Variants in PCDHA13 observed in about 807,000 individuals in gnomAD.
PCDHA13 encodes the protein protocadherin alpha-13.
In PCDHA13, 54 loss-of-function variants were observed where a neutral mutation model predicts 64.8. The observed-to-expected ratio is 0.83, with a 90% CI of 0.67 to 1.04. PCDHA13 has a LOEUF of 1.04. PCDHA13 is among the 50% of genes least tolerant of loss of function. The pLI, the probability that PCDHA13 is intolerant of heterozygous loss-of-function variation, is 0.00. For missense variants in PCDHA13, 1,248 were observed against 1,254.3 expected (o/e 0.99, Z 0.08); for synonymous variants, 587 against 564.4 (o/e 1.04, Z -0.57).
intron 1 of PCDHA13, chr5:140,968,552 C>T (rs370640529): frequency 1.2e-6 from 2 of 1,614,184 alleles, no homozygotes; most frequent in Non-Finnish European, 1.7e-6. Flanking sequence ...GATGGTGCCT[C>T]GAACTGCCCC....
chr5:140,897,174 G>C (rs1356780883), intron 1 of PCDHA13, among the ~76,000 whole-genome samples: 1 of 151,818 alleles, frequency 6.6e-6, no homozygotes, highest in Non-Finnish European at 1.5e-5. Context: ...TATCTCCATG[G>C]GTTCAAAAAA....
At chr5:140,983,340 A>G (rs148799902) in intron 3 of PCDHA13, among the ~76,000 whole-genome samples, 114 of 152,358 alleles carry the variant, frequency 7.5e-4, no homozygotes, top group African/African-American at 2.2e-3. Flanking sequence ...TCACTAAAGC[A>G]GGGTCATGTA....
At position 140,892,846 on chromosome 5, in the gene PCDHA13, A is replaced by G. The variant is rs1301960107; in HGVS notation, c.2394+8184A>G. Among the ~76,000 whole-genome samples, 3 of 152,112 alleles carry G rather than the reference A, an allele frequency of 2.0e-5. No homozygotes were observed. In the East Asian group the frequency reaches 5.8e-4, roughly 29 times the overall value. On this transcript the variant is annotated intron_variant, in intron 1 of 3. Transcript: ENST00000289272. ...TGCTACAGTGCTGCAAAACACCACA[A>G]CCCATTCCTCCTGTGTAGCTATAAT...
At chr5:140,927,906 C>G (rs116016831) in intron 1 of PCDHA13, 1 of 1,614,180 alleles carries the variant, frequency 6.2e-7, no homozygotes, top group Non-Finnish European at 8.5e-7. Flanking sequence ...ATCATGCCCC[C>G]GAACTGGACT....
At chr5:141,005,687 G>A (rs1454342103) in intron 3 of PCDHA13, among the ~76,000 whole-genome samples, 3 of 116,164 alleles carry the variant, frequency 2.6e-5, no homozygotes, top group African/African-American at 7.0e-5. Context: ...GGGCGACAGA[G>A]CGAAACTCCG....
intron 2 of PCDHA13, among the ~76,000 whole-genome samples, chr5:140,979,721 C>T (rs2153819868): frequency 6.6e-6 from 1 of 152,290 alleles, no homozygotes; most frequent in East Asian, 1.9e-4. Context: ...GTATCCATGC[C>T]ATGGGGCCAA....
Position 140,911,260 on chromosome 5 carries a change from A to G in PCDHA13, c.2394+26598A>G, listed in dbSNP as rs1178961396. On this transcript the variant is annotated intron_variant, in intron 1 of 3. Transcript: ENST00000289272. ...AAAAAAAGTTTCATCAGAATTTATA[A>G]TCTCAGTGTCCCCAGCTTCATCAGG... is the stretch of plus-strand genomic sequence containing the variant. Among the ~76,000 whole-genome samples, 8 of 152,222 alleles carry G rather than the reference A, an allele frequency of 5.3e-5. 1 individual carries two copies. The highest frequency in any genetic ancestry group is 1.9e-4 in the African/African-American group (8 of 41,520).
intron 1 of PCDHA13, among the ~76,000 whole-genome samples, chr5:140,892,982 A>G (rs1430280813): frequency 2.0e-5 from 3 of 152,238 alleles, no homozygotes; most frequent in Non-Finnish European, 4.4e-5. Context: ...TAGCTGCCGT[A>G]TAAGTGAGAA....
rs554073823 is a variant in PCDHA13 at position 140,945,407 on chromosome 5, T to C, written c.2395-33542T>C. Among the ~76,000 whole-genome samples, 498 of 152,246 alleles carry C rather than the reference T, an allele frequency of 3.3e-3. 2 individuals carry two copies. Among genetic ancestry groups the C allele is most frequent in the African/African-American group, 0.011 (476 of 41,568 alleles). ...CAATATACAAATTCAATACAATTCG[T>C]ATCAAAATTTCAATGAAGTTTTTAC... On this transcript the variant is annotated intron_variant, in intron 1 of 3. Coordinates refer to ENST00000289272, the MANE Select transcript of PCDHA13 (RefSeq NM_018904.3).
At chr5:140,945,158 G>C in intron 1 of PCDHA13, among the ~76,000 whole-genome samples, 1 of 151,932 alleles carries the variant, frequency 6.6e-6, no homozygotes, top group Non-Finnish European at 1.5e-5. Flanking sequence ...ATACACTATT[G>C]AACTATCTGA....
chr5:140,981,220 C>T (rs1160783614), intron 2 of PCDHA13, among the ~76,000 whole-genome samples: 3 of 152,164 alleles, frequency 2.0e-5, no homozygotes, highest in African/African-American at 4.8e-5. Context: ...CCCCTTTAGT[C>T]AGTAGTCTAA....
intron 3 of PCDHA13, among the ~76,000 whole-genome samples, chr5:141,000,421 ATTTTTTTT>A (rs34755515): frequency 1.4e-4 from 4 of 27,978 alleles, no homozygotes; most frequent in African/African-American, 7.1e-4. Flanking sequence ...ATATATATAT[ATTTTTTTT>A]TTTTTTTTTT....
chr5:140,967,472 G>C (rs782183935), intron 1 of PCDHA13: 3 of 1,613,430 alleles, frequency 1.9e-6, no homozygotes, highest in Non-Finnish European at 2.5e-6. Flanking sequence ...GGGCATCCCA[G>C]CCCGCTCGGG....
chr5:140,966,385 G>C (rs1486179807), intron 1 of PCDHA13: 1 of 405,050 alleles, frequency 2.5e-6, no homozygotes, highest in East Asian at 3.6e-5. Flanking sequence ...CGGGTTCGCT[G>C]TCCGCCACTT....
At chr5:140,915,258 A>T (rs2077046977) in intron 1 of PCDHA13, among the ~76,000 whole-genome samples, 1 of 151,928 alleles carries the variant, frequency 6.6e-6, no homozygotes, top group South Asian at 2.1e-4. Context: ...GGTTGTTATT[A>T]TTTTTGACCA....
intron 1 of PCDHA13, chr5:140,969,131 A>G: frequency 6.2e-7 from 1 of 1,614,138 alleles, no homozygotes; most frequent in South Asian, 1.1e-5. Flanking sequence ...CTCCCTCACC[A>G]AGACCTACTG....
At chr5:140,885,737 A>G (rs1347685899) in intron 1 of PCDHA13, among the ~76,000 whole-genome samples, 1 of 152,222 alleles carries the variant, frequency 6.6e-6, no homozygotes, top group South Asian at 2.1e-4. Context: ...ATGATATTTC[A>G]CTGTTACTTT....
chr5:140,929,161 C>T lies in PCDHA13; in HGVS notation c.2394+44499C>T. On this transcript the variant is annotated intron_variant, in intron 1 of 3. Transcript: ENST00000289272. ...GAGACTTTCTCAGACTTATCTCTAT[C>T]GGGCCTCTCTGGGACTTGGTTCTGA... 2 of 1,614,136 alleles carry T rather than the reference C, an allele frequency of 1.2e-6. No homozygotes were observed. The highest frequency in any genetic ancestry group is 1.7e-6 in the Non-Finnish European group (2 of 1,180,028).
chr5:140,905,334 C>A (rs2071752505), intron 1 of PCDHA13, among the ~76,000 whole-genome samples: 1 of 152,144 alleles, frequency 6.6e-6, no homozygotes, highest in East Asian at 1.9e-4. Context: ...TGTTGAAGAT[C>A]AGTTGGCTGT....
Sources: allele counts gnomAD v4.1 joint callset (sites outside exome capture counted in the v4.1 genomes callset), GRCh38; gene constraint gnomAD v4.1.1; transcripts MANE v1.5; gene names NCBI Gene and HGNC (gene_info 2026-07-23, HGNC 2026-07-21).